CSMD1: variants seen among roughly 807,000 people sequenced by gnomAD.
CSMD1 encodes CUB and Sushi multiple domains 1.
In CSMD1, 213 loss-of-function variants were observed where a neutral mutation model predicts 417.5. The observed-to-expected ratio is 0.51, with a 90% CI of 0.46 to 0.57. The LOEUF (loss-of-function observed/expected upper bound fraction) is 0.57. CSMD1 is among the 20% of genes least tolerant of loss of function. CSMD1 has a pLI of 0.00. For missense variants in CSMD1, 6,923 were observed against 4,529.7 expected, an observed-to-expected ratio of 1.53 and a Z score of -15.17; for synonymous variants, 2,862 against 1,736.8, an observed-to-expected ratio of 1.65 and a Z score of -16.11.
chr8:4,251,476 G>C (rs555758944), intron 3 of CSMD1, among the ~76,000 whole-genome samples: 2 of 152,098 alleles, frequency 1.3e-5, no homozygotes, highest in Non-Finnish European at 2.9e-5. Context: ...AGTGTTGTAG[G>C]AGCACATATT....
chr8:4,355,765 A>G (rs1253590984), intron 3 of CSMD1, among the ~76,000 whole-genome samples: 6 of 152,140 alleles, frequency 3.9e-5, no homozygotes, highest in African/African-American at 1.4e-4. Flanking sequence ...CTGTTTCTCC[A>G]GTGTCATTCA....
intron 6 of CSMD1, among the ~76,000 whole-genome samples, chr8:3,709,542 T>C (rs1045539051): frequency 6.6e-6 from 1 of 152,008 alleles, no homozygotes; most frequent in African/African-American, 2.4e-5. Flanking sequence ...ATCAGCTGAC[T>C]CAGGAAAGAA....
chr8:4,193,335 T>A (rs1429129637), intron 3 of CSMD1, among the ~76,000 whole-genome samples: 1 of 151,696 alleles, frequency 6.6e-6, no homozygotes, highest in African/African-American at 2.4e-5. Context: ...CGTCCTCCAA[T>A]AAAAAAAATA....
intron 42 of CSMD1, among the ~76,000 whole-genome samples, chr8:3,117,326 C>G (rs2129018618): frequency 6.6e-6 from 1 of 152,274 alleles, no homozygotes; most frequent in East Asian, 1.9e-4. Context: ...CCACCTCAGC[C>G]TCCCAAAGTG....
In CSMD1 at chr8:3,341,459, G is replaced by A. The variant is rs578172484; in HGVS notation, c.3631+1835C>T. 1.4e-4 allele frequency among the ~76,000 whole-genome samples: 22 copies of A among 152,250 alleles called. No individual in the cohort carries two copies. The South Asian group carries it at 1.5e-3, about 10-fold the overall frequency. On this transcript the variant is annotated intron_variant, in intron 23 of 69. Coordinates refer to ENST00000635120, the MANE Select transcript of CSMD1 (RefSeq NM_033225.6). ...GAAATCATTCCAACTGGAAATAGTCGGAGGAACATGGGAAACAGTTACTAG... is the reference window on the plus strand; with the variant it reads ...GAAATCATTCCAACTGGAAATAGTCAGAGGAACATGGGAAACAGTTACTAG...
chr8:3,663,036 G>A lies in CSMD1; in HGVS notation c.1009+45378C>T, dbSNP rs144889713. Among the ~76,000 whole-genome samples, 28 of 152,198 alleles carry A rather than the reference G, an allele frequency of 1.8e-4. No homozygotes were observed. The East Asian group carries it at 5.4e-3, about 30-fold the overall frequency. On this transcript the variant is annotated intron_variant, in intron 7 of 69. Transcript: ENST00000635120. ...AATAAATAAAGACTCCATGCCATTT[G>A]TCTGGCAGTGGGAATAAAGGAAAAT...
At chr8:4,711,413 G>A (rs749697628) in intron 1 of CSMD1, among the ~76,000 whole-genome samples, 5 of 152,060 alleles carry the variant, frequency 3.3e-5, no homozygotes, top group East Asian at 3.9e-4. Flanking sequence ...ATTCTCAGAA[G>A]ACAAATTGTT....
chr8:4,369,293 CTGTTT>C (rs1386443259), intron 3 of CSMD1, among the ~76,000 whole-genome samples: 2 of 151,810 alleles, frequency 1.3e-5, no homozygotes, highest in Admixed American at 6.6e-5. Context: ...TTTGTTTGTG[CTGTTT>C]TATTTGTGGT....
At chr8:3,750,026 T>C (rs1797255131) in intron 6 of CSMD1, among the ~76,000 whole-genome samples, 1 of 152,150 alleles carries the variant, frequency 6.6e-6, no homozygotes, top group Non-Finnish European at 1.5e-5. Context: ...GTGCAAAAAA[T>C]ATAGTCATTA....
intron 3 of CSMD1, among the ~76,000 whole-genome samples, chr8:4,358,158 A>G (rs1363953752): frequency 6.6e-6 from 1 of 152,208 alleles, no homozygotes; most frequent in Non-Finnish European, 1.5e-5. Context: ...CATGCATGCA[A>G]AATTATGATG....
At chr8:4,475,068 G>C (rs939912884) in intron 2 of CSMD1, among the ~76,000 whole-genome samples, 1 of 152,168 alleles carries the variant, frequency 6.6e-6, no homozygotes, top group South Asian at 2.1e-4. Flanking sequence ...GTTATTCAAG[G>C]ATTAACTGTA....
intron 26 of CSMD1, among the ~76,000 whole-genome samples, chr8:3,252,898 C>G (rs138015153): frequency 1.3e-5 from 2 of 152,086 alleles, no homozygotes; most frequent in South Asian, 2.1e-4. Context: ...TCTGTGGGAT[C>G]GGTGGTGATA....
intron 3 of CSMD1, among the ~76,000 whole-genome samples, chr8:4,404,795 A>G (rs1388490211): frequency 6.6e-6 from 1 of 152,182 alleles, no homozygotes; most frequent in African/African-American, 2.4e-5. Context: ...GACTTGAACT[A>G]AATATGTTCT....
At chr8:4,061,987 G>GCC (rs1441076579) in intron 3 of CSMD1, among the ~76,000 whole-genome samples, 4 of 152,112 alleles carry the variant, frequency 2.6e-5, no homozygotes, top group African/African-American at 4.8e-5. Flanking sequence ...ACCCCCTGCT[G>GCC]CCCTGTCTGA....
At chr8:3,065,358 G>A (rs967662759) in intron 49 of CSMD1, among the ~76,000 whole-genome samples, 5 of 151,970 alleles carry the variant, frequency 3.3e-5, no homozygotes, top group Admixed American at 6.6e-5. Context: ...ACATAGATAA[G>A]TGGATAGATA....
In CSMD1 at chr8:3,033,772, T is replaced by C. The variant is rs138739884; in HGVS notation, c.7661-4259A>G. Among the ~76,000 whole-genome samples the C allele has an allele frequency of 2.6e-5, 4 of 152,152 alleles. No individual in the cohort carries two copies. The East Asian group carries it at 7.7e-4, about 29-fold the overall frequency. On this transcript the variant is annotated intron_variant, in intron 50 of 69. Transcript: ENST00000635120. ...CCCAGAACTTAAAGTAAAATAAAAA[T>C]AAAATAAACTTAAAGTAAAATAAAA...
At chr8:3,780,795 T>A (rs1799135743) in intron 5 of CSMD1, among the ~76,000 whole-genome samples, 1 of 152,174 alleles carries the variant, frequency 6.6e-6, no homozygotes, top group Non-Finnish European at 1.5e-5. Context: ...AGAAAGTAAT[T>A]CAATCAGCTG....
intron 7 of CSMD1, among the ~76,000 whole-genome samples, chr8:3,683,448 G>C (rs1292536842): frequency 1.3e-5 from 2 of 152,088 alleles, no homozygotes; most frequent in South Asian, 4.1e-4. Flanking sequence ...AGGGAATTCA[G>C]AATTAGAATC....
chr8:3,240,383 G>A (rs1234209360), intron 26 of CSMD1, among the ~76,000 whole-genome samples: 1 of 151,868 alleles, frequency 6.6e-6, no homozygotes, highest in Non-Finnish European at 1.5e-5. Context: ...GGCAAAACCA[G>A]GTATCTAAAG....
Sources: gnomAD v4.1 joint callset for allele counts (sites outside exome capture counted in the v4.1 genomes callset) on GRCh38, gnomAD v4.1.1 for gene constraint, MANE v1.5 for transcripts, NCBI Gene and HGNC (gene_info 2026-07-23, HGNC 2026-07-21) for gene names.